The following NUP214 variants were observed in gnomAD, a reference collection of about 807,000 sequenced individuals.
The protein encoded by NUP214 is nucleoporin 214, also known as nuclear pore complex protein Nup214.
Under a neutral mutation model 196.2 loss-of-function variants are expected in NUP214, and 79 were observed. That is an observed-to-expected ratio of 0.40 (90% CI 0.34 to 0.49). The LOEUF (loss-of-function observed/expected upper bound fraction) is 0.49, where lower values mean the gene tolerates loss of function less well. Among genes scored for constraint, NUP214 ranks in the 20% least tolerant of loss-of-function variants. The pLI is 0.58. For synonymous variants in NUP214, 1,020 were observed against 990.5 expected, an observed-to-expected ratio of 1.03 and a Z score of -0.56; for missense variants, 2,468 against 2,539.0, an observed-to-expected ratio of 0.97 and a Z score of 0.60.
At position 131,215,975 on chromosome 9, in the gene NUP214, T is replaced by G. The variant is rs1006723980; in HGVS notation, c.5749+607T>G. ...TGGTGTGCAATGGCGTGATCTCAGC[T>G]CACTACAACCTCCGCCTCCCAGGTT... On this transcript the variant is annotated intron_variant, in intron 31 of 35. Transcript: ENST00000359428. Among the ~76,000 whole-genome samples the G allele has an allele frequency of 3.4e-5, 5 of 147,214 alleles. No individual in the cohort carries two copies. The East Asian group carries it at 1.0e-3, about 30-fold the overall frequency.
intron 17 of NUP214, among the ~76,000 whole-genome samples, chr9:131,158,224 A>G (rs147594439): frequency 0.048 from 7,229 of 152,126 alleles, 268 homozygotes; most frequent in African/African-American, 0.1. Flanking sequence ...GATTATAGGC[A>G]TGCATCACCC....
chr9:131,204,287 C>A (rs1029283072), intron 30 of NUP214, among the ~76,000 whole-genome samples: 1 of 152,102 alleles, frequency 6.6e-6, no homozygotes, highest in Non-Finnish European at 1.5e-5. Context: ...AGTGTCATAG[C>A]AAATTTGAAG....
At position 131,147,774 on chromosome 9, in the gene NUP214, A is replaced by C. The variant is rs571673839; in HGVS notation, c.2040+190A>C. 3.3e-5 allele frequency among the ~76,000 whole-genome samples: 5 copies of C among 152,336 alleles called. No individual in the cohort carries two copies. The South Asian group carries it at 1.0e-3, about 32-fold the overall frequency. Reference sequence around the variant, plus strand: ...TCGTAAAAGCCATTTAGCTATTTTAATTTTTTATTCATGTATAATACAAAT... The same window carrying C: ...TCGTAAAAGCCATTTAGCTATTTTACTTTTTTATTCATGTATAATACAAAT... On this transcript the variant is annotated intron_variant, in intron 14 of 35. Transcript: ENST00000359428.
intron 24 of NUP214, among the ~76,000 whole-genome samples, chr9:131,179,802 G>A (rs1833217174): frequency 6.6e-6 from 1 of 152,154 alleles, no homozygotes; most frequent in South Asian, 2.1e-4. Flanking sequence ...TTACTATTTT[G>A]TAGTGACCTC....
At chr9:131,131,482 C>T (rs1006742872) in intron 5 of NUP214, among the ~76,000 whole-genome samples, 4 of 152,198 alleles carry the variant, frequency 2.6e-5, no homozygotes, top group Non-Finnish European at 5.9e-5. Context: ...CCTTCCTCCT[C>T]AAGACTGTTC....
chr9:131,172,807 C>G (rs1033189673), intron 21 of NUP214, among the ~76,000 whole-genome samples: 4 of 152,150 alleles, frequency 2.6e-5, no homozygotes, highest in African/African-American at 4.8e-5. Context: ...ACAATAAAAT[C>G]TTGCAGAGCC....
At chr9:131,190,186 C>G in intron 26 of NUP214, 1 of 377,388 alleles carries the variant, frequency 2.6e-6, no homozygotes, top group Non-Finnish European at 4.7e-6. Flanking sequence ...TCTAGCACTT[C>G]TCGACCGGGG....
In NUP214 at chr9:131,231,204, TA is replaced by T. The variant is rs200405050; in HGVS notation, c.6214+436del. 4.3e-3 allele frequency among the ~76,000 whole-genome samples: 653 copies of T among 152,178 alleles called. 4 individuals are homozygous for T. The highest frequency in any genetic ancestry group is 0.015 in the African/African-American group (623 of 41,520). On this transcript the variant is annotated intron_variant, in intron 34 of 35. Transcript: ENST00000359428. ...TGGTTGAAACATATATATATATATA[TA>T]TTTTTGAGACGGAGTCTCGCTCTGT...
chr9:131,135,916 T>A lies in NUP214; in HGVS notation c.939-24T>A, dbSNP rs754277424. Reference sequence around the variant, plus strand: ...GAACTATTGCTGTATTTGAACGTAATGGTCTCTGGTTTTATTCTTTAAGGG... The same window carrying A: ...GAACTATTGCTGTATTTGAACGTAAAGGTCTCTGGTTTTATTCTTTAAGGG... On this transcript the variant is annotated intron_variant, in intron 8 of 35. Transcript: ENST00000359428. 5 of 1,605,584 alleles carry A rather than the reference T, an allele frequency of 3.1e-6. No homozygotes were observed. The South Asian group carries it at 5.5e-5, about 18-fold the overall frequency.
Position 131,146,398 on chromosome 9 carries a change from A to G in NUP214, c.1945+94A>G. The G allele has an allele frequency of 7.7e-7, 1 of 1,292,494 alleles. No individual in the cohort carries two copies. Among genetic ancestry groups the G allele is most frequent in the Non-Finnish European group, 1.1e-6 (1 of 918,016 alleles). The allele number at this position is 1,292,494 out of a possible 1,614,324, so 80.1% of individuals were successfully genotyped here. Reference sequence around the variant, plus strand: ...GAGTCGTAGCTAACATAGTTGGACAAGGTTATTTTTTCTTGCTTCCTGTAT... The same window carrying G: ...GAGTCGTAGCTAACATAGTTGGACAGGGTTATTTTTTCTTGCTTCCTGTAT... On this transcript the variant is annotated intron_variant, in intron 13 of 35. Coordinates refer to ENST00000359428, the MANE Select transcript of NUP214 (RefSeq NM_005085.4). This position sits in a 1 kb window ranked among gnomAD's most constrained non-coding sequence, Gnocchi z 4.6.
intron 26 of NUP214, chr9:131,191,553 G>T (rs550593775): frequency 6.6e-6 from 1 of 152,114 alleles, no homozygotes; most frequent in African/African-American, 2.4e-5. Context: ...GAGTGAAATC[G>T]AACATGGGGA....
In NUP214 at chr9:131,187,321, C is replaced by T. The variant is rs758238151; in HGVS notation, c.3452C>T (p.Pro1151Leu). 6.2e-7 allele frequency: 1 copy of T among 1,613,776 alleles called. No homozygotes were observed. Among genetic ancestry groups the T allele is most frequent in the Non-Finnish European group, 8.5e-7 (1 of 1,179,928 alleles). ...SSVPYSTAKT[P>L]HPVLTPVAAN... ...GTGCCCTACTCCACAGCCAAAACAC[C>T]TCACCCAGTGTTGACCCCAGTGGCT... is the stretch of plus-strand genomic sequence containing the variant. Residue 1151 changes from proline (P) to leucine (L), a missense_variant, in exon 25 of 36, where the codon CCT becomes CTT. Transcript: ENST00000359428.
At chr9:131,176,288 G>T (rs1177397746) in intron 23 of NUP214, among the ~76,000 whole-genome samples, 1 of 151,824 alleles carries the variant, frequency 6.6e-6, no homozygotes, top group Non-Finnish European at 1.5e-5. Context: ...TTTCAGTTGA[G>T]CATTTTTTCT....
chr9:131,202,386 T>TAC (rs139696944), intron 30 of NUP214, among the ~76,000 whole-genome samples: 102 of 151,368 alleles, frequency 6.7e-4, no homozygotes, highest in East Asian at 1.9e-3. Context: ...TATATGTGTG[T>TAC]ACACACACAC....
At chr9:131,177,652 C>A (rs1263280814) in intron 23 of NUP214, among the ~76,000 whole-genome samples, 3 of 152,134 alleles carry the variant, frequency 2.0e-5, no homozygotes, top group Non-Finnish European at 4.4e-5. Context: ...TAATGAGCCA[C>A]AAGCTTTGCT....
Position 131,179,021 on chromosome 9 carries a change from G to T in NUP214, c.3419+611G>T, listed in dbSNP as rs117464202. Among the ~76,000 whole-genome samples, 1,121 of 151,990 alleles carry T rather than the reference G, an allele frequency of 7.4e-3. 6 individuals carry two copies. The highest frequency in any genetic ancestry group is 0.012 in the Non-Finnish European group (792 of 67,964). On this transcript the variant is annotated intron_variant, in intron 24 of 35. Coordinates refer to ENST00000359428, the MANE Select transcript of NUP214 (RefSeq NM_005085.4). ...TGTTTTTTGTTTTTTCTTAGACAAG[G>T]TCTCACTCTTGCCCAGACTGGAGTG...
chr9:131,199,782 G>T lies in NUP214; in HGVS notation c.5521+767G>T, dbSNP rs183589832. On this transcript the variant is annotated intron_variant, in intron 29 of 35. Coordinates refer to ENST00000359428, the MANE Select transcript of NUP214 (RefSeq NM_005085.4). ...GAAAAGCAAGGATCAATGATTTCAT[G>T]GTGGGCAAGATTACTAGTAACTGCT... Among the ~76,000 whole-genome samples, 168 of 152,244 alleles carry T rather than the reference G, an allele frequency of 1.1e-3. 3 individuals are homozygous for T. In the South Asian group the frequency reaches 0.032, roughly 29 times the overall value.
chr9:131,229,622 CAGTT>C (rs1834816615), intron 33 of NUP214: 4 of 455,158 alleles, frequency 8.8e-6, no homozygotes, highest in African/African-American at 8.3e-5. Context: ...AATGCCAGGT[CAGTT>C]ATTAAATCTC....
Position 131,132,622 on chromosome 9 carries a change from T to C in NUP214, c.690T>C (p.Pro230=), listed in dbSNP as rs1046927052. 1 of 1,614,044 alleles carries C rather than the reference T, an allele frequency of 6.2e-7. No homozygotes were observed. Among genetic ancestry groups the C allele is most frequent in the Admixed American group, 1.7e-5 (1 of 60,006 alleles). ...LPTLQEKKVI[P]CPPFYESDHP... is the part of the protein sequence containing the mutation. ...CTTTGCAGGAAAAAAAAGTCATTCCTTGTCCTCCGTTTTATGAGTCAGATC... is the reference window on the plus strand; with the variant it reads ...CTTTGCAGGAAAAAAAAGTCATTCCCTGTCCTCCGTTTTATGAGTCAGATC... Residue 230 remains proline (P), a synonymous_variant, in exon 6 of 36, where the codon CCT becomes CCC. Transcript: ENST00000359428.
Sources: gnomAD v4.1 joint callset for allele counts (sites outside exome capture counted in the v4.1 genomes callset) on GRCh38, gnomAD v4.1.1 for gene constraint, Gnocchi (gnomAD v3.1) non-coding constraint, MANE v1.5 for transcripts, NCBI Gene and HGNC (gene_info 2026-07-23, HGNC 2026-07-21) for gene names.